Variants in ELK3 observed in about 807,000 individuals in gnomAD.
ELK3 encodes the protein ETS transcription factor ELK3.
Under a neutral mutation model 28.9 loss-of-function variants are expected in ELK3, and 10 were observed. That is an observed-to-expected ratio of 0.35 (90% CI 0.21 to 0.59). ELK3 has a LOEUF of 0.59. ELK3 is among the 20% of genes least tolerant of loss of function. The probability of loss-of-function intolerance (pLI) is 0.82; values close to 1 mark genes in which losing one functional copy is unlikely to be tolerated. For synonymous variants in ELK3, 272 were observed against 243.5 expected, an observed-to-expected ratio of 1.12 and a Z score of -1.09; for missense variants, 463 against 517.3, an observed-to-expected ratio of 0.90 and a Z score of 1.02.
At chr12:96,197,910 T>A (rs959094806) in intron 1 of ELK3, 1 of 152,230 alleles carries the variant, frequency 6.6e-6, no homozygotes. Context: ...TGAAATTGGT[T>A]TTAAAGGACT....
intron 2 of ELK3, among the ~76,000 whole-genome samples, chr12:96,227,619 C>T (rs1951712770): frequency 6.6e-6 from 1 of 152,084 alleles, no homozygotes. Flanking sequence ...TCAGAAAGGC[C>T]CCGGAGGAGG....
intron 1 of ELK3, among the ~76,000 whole-genome samples, chr12:96,202,028 G>GCCTTCCTTCTTCCTTC (rs1951510730): frequency 1.3e-5 from 2 of 152,124 alleles, no homozygotes; most frequent in African/African-American, 4.8e-5. Flanking sequence ...TGGTCACCTG[G>GCCTTCCTTCTTCCTTC]TGAAATTCCT....
intron 2 of ELK3, among the ~76,000 whole-genome samples, chr12:96,230,896 T>C (rs555932422): frequency 6.6e-6 from 1 of 152,304 alleles, no homozygotes; most frequent in African/African-American, 2.4e-5. Flanking sequence ...GTTAAGCTTT[T>C]GTAGAGGCTG....
chr12:96,254,870 G>C (rs1335711338), intron 3 of ELK3, among the ~76,000 whole-genome samples: 1 of 152,146 alleles, frequency 6.6e-6, no homozygotes, highest in Non-Finnish European at 1.5e-5. Flanking sequence ...AGGGTAGACA[G>C]GGAGAGGAAG....
chr12:96,221,165 G>C (rs947035581), intron 1 of ELK3, among the ~76,000 whole-genome samples: 1 of 152,196 alleles, frequency 6.6e-6, no homozygotes, highest in African/African-American at 2.4e-5. Flanking sequence ...CCTAAGGAGA[G>C]GGCAGTTGAG....
intron 2 of ELK3, among the ~76,000 whole-genome samples, chr12:96,236,855 T>A (rs1297227652): frequency 6.6e-6 from 1 of 152,132 alleles, no homozygotes; most frequent in Non-Finnish European, 1.5e-5. Flanking sequence ...AAGACAGAAG[T>A]GTGTAATCCA....
intron 3 of ELK3, among the ~76,000 whole-genome samples, chr12:96,258,498 G>A (rs1359404544): frequency 2.0e-5 from 3 of 152,194 alleles, no homozygotes; most frequent in South Asian, 2.1e-4. Flanking sequence ...GCCAATTCTA[G>A]GAAAAAATAA....
intron 2 of ELK3, among the ~76,000 whole-genome samples, chr12:96,225,210 C>T (rs986743393): frequency 6.6e-6 from 1 of 152,202 alleles, no homozygotes; most frequent in Admixed American, 6.5e-5. Flanking sequence ...GGCAGAGTGC[C>T]TAAAAGCTGG....
At chr12:96,226,866 GA>G (rs774768666) in intron 2 of ELK3, among the ~76,000 whole-genome samples, 10 of 151,732 alleles carry the variant, frequency 6.6e-5, no homozygotes, top group South Asian at 2.1e-4. Flanking sequence ...GAGGGGAGAG[GA>G]AAAAAAGAGG....
In ELK3 at chr12:96,221,360, C is replaced by T. The variant is rs186074516; in HGVS notation, c.-2-2205C>T. ...ATAGATGTTTCTGCTGCCCTCCTGTCCCATTCGGAACGTGATGTCAGTTAA... is the reference window on the plus strand; with the variant it reads ...ATAGATGTTTCTGCTGCCCTCCTGTTCCATTCGGAACGTGATGTCAGTTAA... On this transcript the variant is annotated intron_variant, in intron 1 of 4. Coordinates refer to ENST00000228741, the MANE Select transcript of ELK3 (RefSeq NM_005230.4). Among the ~76,000 whole-genome samples the T allele has an allele frequency of 3.9e-5, 6 of 152,288 alleles. No homozygotes were observed. The East Asian group carries it at 1.2e-3, about 29-fold the overall frequency.
At chr12:96,209,581 G>A (rs1484340313) in intron 1 of ELK3, among the ~76,000 whole-genome samples, 2 of 152,158 alleles carry the variant, frequency 1.3e-5, no homozygotes, top group African/African-American at 4.8e-5. Context: ...TCATTCTAGT[G>A]GAAGTGGTCT....
chr12:96,226,038 G>T (rs1565782564), intron 2 of ELK3, among the ~76,000 whole-genome samples: 1 of 152,094 alleles, frequency 6.6e-6, no homozygotes, highest in African/African-American at 2.4e-5. Context: ...AGGCTGAGGT[G>T]GGAGGATCAT....
intron 2 of ELK3, among the ~76,000 whole-genome samples, chr12:96,227,246 G>A (rs950982212): frequency 3.3e-5 from 5 of 152,002 alleles, no homozygotes; most frequent in African/African-American, 4.8e-5. Context: ...CTTCCTTCTC[G>A]GTGTCCTCCT....
In ELK3 at chr12:96,243,494, G is replaced by A. The variant is rs541460019; in HGVS notation, c.208-3446G>A. Among the ~76,000 whole-genome samples the A allele has an allele frequency of 1.1e-4, 16 of 151,666 alleles. No individual in the cohort carries two copies. In the South Asian group the frequency reaches 2.9e-3, roughly 28 times the overall value. ...TCCCAGCACTTTGGGAGGCTGAGGC[G>A]GGCAGATCACCTGAGGTCAGGAGTT... is the stretch of plus-strand genomic sequence containing the variant. On this transcript the variant is annotated intron_variant, in intron 2 of 4. Coordinates refer to ENST00000228741, the MANE Select transcript of ELK3 (RefSeq NM_005230.4).
chr12:96,267,226 T>G lies in ELK3; in HGVS notation c.*46T>G. On this transcript the variant is annotated 3_prime_UTR_variant, in exon 5 of 5. Transcript: ENST00000228741. ...GGACTCATTAACTGATGAAACAAAT[T>G]TGTCCCCACGGGCTAGTTTACCTGT... The G allele has an allele frequency of 3.2e-6, 5 of 1,552,476 alleles. No homozygotes were observed. Among genetic ancestry groups the G allele is most frequent in the Non-Finnish European group, 4.4e-6 (5 of 1,137,652 alleles).
chr12:96,213,090 G>A (rs1218034869), intron 1 of ELK3, among the ~76,000 whole-genome samples: 1 of 152,198 alleles, frequency 6.6e-6, no homozygotes, highest in Non-Finnish European at 1.5e-5. Context: ...CTGTTTATGT[G>A]TTGTGGAAGG....
intron 1 of ELK3, among the ~76,000 whole-genome samples, chr12:96,207,957 A>C (rs1187591999): frequency 6.6e-6 from 1 of 152,252 alleles, no homozygotes; most frequent in African/African-American, 2.4e-5. Context: ...TCTGTGTACC[A>C]TTTAAAAGAG....
At chr12:96,211,606 GAAT>G (rs1951580374) in intron 1 of ELK3, among the ~76,000 whole-genome samples, 1 of 151,826 alleles carries the variant, frequency 6.6e-6, no homozygotes, top group South Asian at 2.1e-4. Flanking sequence ...TCTCTAAAAA[GAAT>G]AATTTCTTAC....
At chr12:96,263,713 G>A (rs2268500) in intron 4 of ELK3, among the ~76,000 whole-genome samples, 121,158 of 152,112 alleles carry the variant, frequency 0.8, 48,432 homozygotes, top group African/African-American at 0.83. Flanking sequence ...ACAGGATTTC[G>A]ATCGAGTACA....
Sources: allele counts gnomAD v4.1 joint callset (sites outside exome capture counted in the v4.1 genomes callset), GRCh38; gene constraint gnomAD v4.1.1; transcripts MANE v1.5; gene names NCBI Gene and HGNC (gene_info 2026-07-23, HGNC 2026-07-21).